The following ELP4 variants were observed in gnomAD, a reference collection of about 807,000 sequenced individuals.
ELP4 encodes elongator complex protein 4.
Under a neutral mutation model 48.9 loss-of-function variants are expected in ELP4, and 51 were observed. The ratio of observed to expected loss-of-function variants is 1.04; its 90% CI spans 0.83 to 1.32. The LOEUF (loss-of-function observed/expected upper bound fraction) is 1.32. Ranked by LOEUF, ELP4 falls within the 40% of genes most tolerant of loss-of-function variation. The pLI is 0.00. For synonymous variants in ELP4, 210 were observed against 189.2 expected, an observed-to-expected ratio of 1.11 and a Z score of -0.90; for missense variants, 519 against 514.6, an observed-to-expected ratio of 1.01 and a Z score of -0.08.
At position 31,603,756 on chromosome 11, in the gene ELP4, T is replaced by G; in HGVS notation, c.514-12T>G. Reference sequence around the variant, plus strand: ...AATTGTTTAACAACCACTATGGGGTTTATTTTAGCAGATTGGACCAGTATC... The same window carrying G: ...AATTGTTTAACAACCACTATGGGGTGTATTTTAGCAGATTGGACCAGTATC... On this transcript the variant is annotated splice_polypyrimidine_tract_variant and intron_variant, in intron 4 of 9. Transcript: ENST00000640961. 1 of 1,604,830 alleles carries G rather than the reference T, an allele frequency of 6.2e-7. No homozygotes were observed. Among genetic ancestry groups the G allele is most frequent in the South Asian group, 1.1e-5 (1 of 89,390 alleles).
intron 5 of ELP4, 91 bp downstream of exon 5, chr11:31,603,998 G>T: frequency 1.1e-6 from 1 of 946,240 alleles, no homozygotes. Flanking sequence ...ACACATCTAA[G>T]GGTAAATATC....
intron 1 of ELP4, among the ~76,000 whole-genome samples, chr11:31,518,239 T>A (rs1311005426): frequency 1.3e-5 from 2 of 151,854 alleles, no homozygotes. Context: ...CCTGCGTAGC[T>A]GGGATTACAG....
chr11:31,535,110 G>A (rs1472332857), intron 2 of ELP4, among the ~76,000 whole-genome samples: 1 of 152,110 alleles, frequency 6.6e-6, no homozygotes, highest in East Asian at 1.9e-4. Flanking sequence ...AGTACATTTT[G>A]TGAGTGACAA....
intron 3 of ELP4, among the ~76,000 whole-genome samples, chr11:31,591,299 A>G (rs1957565608): frequency 6.6e-6 from 1 of 150,724 alleles, no homozygotes; most frequent in Non-Finnish European, 1.5e-5. Flanking sequence ...CCAGCTACTC[A>G]GGAGGCTGAG....
intron 9 of ELP4, among the ~76,000 whole-genome samples, chr11:31,701,210 T>C (rs1335648314): frequency 6.6e-6 from 1 of 152,166 alleles, no homozygotes; most frequent in Non-Finnish European, 1.5e-5. Flanking sequence ...TTTCTTTTCC[T>C]TTTTAAAATT....
intron 9 of ELP4, among the ~76,000 whole-genome samples, chr11:31,696,533 C>A (rs909470190): frequency 6.6e-5 from 10 of 152,036 alleles, no homozygotes; most frequent in African/African-American, 2.4e-4. Context: ...GTCTGAGAGA[C>A]AGTTTGTTAT....
At chr11:31,697,202 A>G (rs1295849626) in intron 9 of ELP4, among the ~76,000 whole-genome samples, 4 of 152,170 alleles carry the variant, frequency 2.6e-5, no homozygotes, top group Admixed American at 2.6e-4. Context: ...ACTCCCACAC[A>G]ATAAACTGGT....
chr11:31,579,227 A>G (rs1035436913), intron 3 of ELP4, among the ~76,000 whole-genome samples: 1 of 152,222 alleles, frequency 6.6e-6, no homozygotes, highest in Non-Finnish European at 1.5e-5. Flanking sequence ...AATCAAAACC[A>G]CAATGAGATA....
chr11:31,779,478 G>T (rs1948322509), intron 9 of ELP4, among the ~76,000 whole-genome samples: 1 of 152,140 alleles, frequency 6.6e-6, no homozygotes, highest in African/African-American at 2.4e-5. Flanking sequence ...GACTCAGAAG[G>T]AACAAAATAT....
At chr11:31,612,315 G>A (rs1957996855) in intron 5 of ELP4, among the ~76,000 whole-genome samples, 1 of 152,136 alleles carries the variant, frequency 6.6e-6, no homozygotes, top group Non-Finnish European at 1.5e-5. Context: ...TATCCACTAG[G>A]GAGTGGTTAC....
intron 9 of ELP4, among the ~76,000 whole-genome samples, chr11:31,766,580 T>C (rs996667130): frequency 6.6e-6 from 1 of 152,104 alleles, no homozygotes; most frequent in Non-Finnish European, 1.5e-5. Flanking sequence ...GTGTGAAATA[T>C]TAATATTTAG....
intron 9 of ELP4, among the ~76,000 whole-genome samples, chr11:31,735,595 T>C (rs1297680273): frequency 1.3e-5 from 2 of 152,014 alleles, no homozygotes; most frequent in Admixed American, 6.6e-5. Context: ...CAGCCCAAAA[T>C]CTCCTTAAGC....
intron 9 of ELP4, among the ~76,000 whole-genome samples, chr11:31,678,052 A>G (rs1160127212): frequency 6.6e-6 from 1 of 151,740 alleles, no homozygotes; most frequent in Non-Finnish European, 1.5e-5. Flanking sequence ...TCTGACAACT[A>G]TTGATCTTTT....
At chr11:31,607,894 T>C (rs1488958664) in intron 5 of ELP4, among the ~76,000 whole-genome samples, 1 of 152,208 alleles carries the variant, frequency 6.6e-6, no homozygotes, top group East Asian at 1.9e-4. Context: ...GCCTGACTAA[T>C]TAAAATAGAA....
At chr11:31,738,951 T>C (rs1592268720) in intron 9 of ELP4, among the ~76,000 whole-genome samples, 1 of 152,238 alleles carries the variant, frequency 6.6e-6, no homozygotes, top group African/African-American at 2.4e-5. Flanking sequence ...GTTCAATGAG[T>C]ATAAAGTTTC....
At chr11:31,645,362 A>T (rs1377434923) in intron 7 of ELP4, among the ~76,000 whole-genome samples, 1 of 151,750 alleles carries the variant, frequency 6.6e-6, no homozygotes. Flanking sequence ...ACATTATAGG[A>T]TGTAAAATGG....
At chr11:31,675,143 C>T (rs1945895136) in intron 9 of ELP4, among the ~76,000 whole-genome samples, 1 of 152,138 alleles carries the variant, frequency 6.6e-6, no homozygotes, top group South Asian at 2.1e-4. Flanking sequence ...TAGGAAAAAT[C>T]ATCACTGTCA....
chr11:31,672,327 C>T (rs1028431199), intron 9 of ELP4, among the ~76,000 whole-genome samples: 3 of 152,102 alleles, frequency 2.0e-5, no homozygotes, highest in Admixed American at 6.5e-5. Context: ...TGAAGTTGTA[C>T]GATTATTACT....
At chr11:31,567,338 A>G (rs1205025137) in intron 3 of ELP4, among the ~76,000 whole-genome samples, 1 of 152,242 alleles carries the variant, frequency 6.6e-6, no homozygotes, top group Non-Finnish European at 1.5e-5. Context: ...ATTTTCTCAG[A>G]TAGGATCAAT....
Sources: allele counts gnomAD v4.1 joint callset (sites outside exome capture counted in the v4.1 genomes callset), GRCh38; gene constraint gnomAD v4.1.1; transcripts MANE v1.5; gene names NCBI Gene and HGNC (gene_info 2026-07-23, HGNC 2026-07-21).